The following L3MBTL4 variants were observed in gnomAD, a reference collection of about 807,000 sequenced individuals.
L3MBTL4 encodes lethal(3)malignant brain tumor-like protein 4.
L3MBTL4 carries 70 observed loss-of-function variants against 84.5 expected under a neutral mutation model. The ratio of observed to expected loss-of-function variants is 0.83; its 90% confidence interval spans 0.68 to 1.01. The LOEUF (loss-of-function observed/expected upper bound fraction) is 1.01, where lower values mean the gene tolerates loss of function less well. Ranked by LOEUF, L3MBTL4 falls within the 50% of genes least tolerant of loss-of-function variation. The probability of loss-of-function intolerance (pLI) is 0.00; values close to 1 mark genes in which losing one functional copy is unlikely to be tolerated. For missense variants in L3MBTL4, 715 were observed against 754.8 expected (o/e 0.95, Z 0.62); for synonymous variants, 274 against 259.8 (o/e 1.05, Z -0.52).
At position 6,259,889 on chromosome 18, in the gene L3MBTL4, T is replaced by C. The variant is rs1353168727; in HGVS notation, c.219+4058A>G. ...GACCAATGCTGAGAATGGTGTCTCCTAGGTTTTCTTTTAGAACTCTTATAG... is the reference window on the plus strand; with the variant it reads ...GACCAATGCTGAGAATGGTGTCTCCCAGGTTTTCTTTTAGAACTCTTATAG... On this transcript the variant is annotated intron_variant, in intron 5 of 18. Transcript: ENST00000317931. 4.6e-5 allele frequency: 7 copies of C among 152,366 alleles called. No homozygotes were observed. In the East Asian group the frequency reaches 1.3e-3, roughly 29 times the overall value. The allele number at this position is 152,366 out of a possible 1,614,324, so 9.4% of individuals were successfully genotyped here.
intron 14 of L3MBTL4, among the ~76,000 whole-genome samples, chr18:6,114,102 A>G (rs369901333): frequency 1.3e-5 from 2 of 152,352 alleles, no homozygotes; most frequent in East Asian, 1.9e-4. Context: ...ACAGACATCT[A>G]CATAAAATAA....
chr18:6,209,330 C>A (rs959321428), intron 12 of L3MBTL4, among the ~76,000 whole-genome samples: 21 of 151,828 alleles, frequency 1.4e-4, no homozygotes, highest in African/African-American at 4.6e-4. Flanking sequence ...ATTACAAACA[C>A]TGGGCAAGGT....
chr18:6,222,375 T>A (rs2046593112), intron 10 of L3MBTL4, among the ~76,000 whole-genome samples: 1 of 152,220 alleles, frequency 6.6e-6, no homozygotes, highest in Non-Finnish European at 1.5e-5. Flanking sequence ...TGAGCTGTAC[T>A]ATATCCAGAA....
chr18:6,205,074 G>A (rs1164486752), intron 12 of L3MBTL4, among the ~76,000 whole-genome samples: 1 of 152,218 alleles, frequency 6.6e-6, no homozygotes, highest in African/African-American at 2.4e-5. Context: ...ACATGGCAAG[G>A]CAGATTTTTG....
At chr18:6,322,448 A>AGGAAGGAG in intron 1 of L3MBTL4, among the ~76,000 whole-genome samples, 1 of 139,122 alleles carries the variant, frequency 7.2e-6, no homozygotes. Context: ...GAAGGAAAGA[A>AGGAAGGAG]GGAAGGATGG....
Position 6,213,284 on chromosome 18 carries a change from C to A in L3MBTL4, c.871-25G>T. 3.7e-6 allele frequency: 5 copies of A among 1,345,914 alleles called. No homozygotes were observed. The African/African-American group carries it at 4.4e-5, about 12-fold the overall frequency. 83.4% of individuals were successfully genotyped at this position (1,345,914 alleles called of 1,614,324 possible). Reference sequence around the variant, plus strand: ...TCTGTAAATGTTATTATAAGTACAACAAATCATGCAAAATTCAGTAATTCA... The same window carrying A: ...TCTGTAAATGTTATTATAAGTACAAAAAATCATGCAAAATTCAGTAATTCA... On this transcript the variant is annotated intron_variant, in intron 11 of 18. Transcript: ENST00000317931.
chr18:6,329,431 G>C (rs373430753), intron 1 of L3MBTL4, among the ~76,000 whole-genome samples: 33 of 152,154 alleles, frequency 2.2e-4, no homozygotes, highest in African/African-American at 7.5e-4. Flanking sequence ...CGGATTACAG[G>C]CCTGAGCCAC....
At chr18:6,347,234 T>C (rs145984620) in intron 1 of L3MBTL4, among the ~76,000 whole-genome samples, 23 of 152,040 alleles carry the variant, frequency 1.5e-4, no homozygotes, top group Non-Finnish European at 2.8e-4. Flanking sequence ...GATAAATTAG[T>C]CCTGAAAACC....
At chr18:6,309,306 A>C (rs2146922398) in intron 3 of L3MBTL4, among the ~76,000 whole-genome samples, 1 of 152,346 alleles carries the variant, frequency 6.6e-6, no homozygotes, top group African/African-American at 2.4e-5. Flanking sequence ...AAATCTGACT[A>C]ATGAAAATGA....
intron 16 of L3MBTL4, among the ~76,000 whole-genome samples, chr18:6,055,821 C>T (rs2057002441): frequency 2.0e-5 from 3 of 152,134 alleles, no homozygotes; most frequent in Non-Finnish European, 4.4e-5. Flanking sequence ...GGGAAGGATC[C>T]TTCCACTATT....
At chr18:6,027,012 G>A (rs1457075883) in intron 16 of L3MBTL4, among the ~76,000 whole-genome samples, 5 of 152,034 alleles carry the variant, frequency 3.3e-5, no homozygotes, top group Admixed American at 3.3e-4. Flanking sequence ...AAAACAGCTG[G>A]TGTTTTGTTT....
At position 6,182,601 on chromosome 18, in the gene L3MBTL4, T is replaced by C. The variant is rs2044527338; in HGVS notation, c.982-10659A>G. Among the ~76,000 whole-genome samples, 3 of 152,242 alleles carry C rather than the reference T, an allele frequency of 2.0e-5. No individual in the cohort carries two copies. The South Asian group carries it at 6.2e-4, about 31-fold the overall frequency. On this transcript the variant is annotated intron_variant, in intron 12 of 18. Transcript: ENST00000317931. Reference sequence around the variant, plus strand: ...GCAATTGCTTTTGGTGTCTTCATCATGAAATCTTTGCCAGGTTCTATATAC... The same window carrying C: ...GCAATTGCTTTTGGTGTCTTCATCACGAAATCTTTGCCAGGTTCTATATAC...
chr18:6,087,506 G>C (rs2058296390), intron 15 of L3MBTL4, among the ~76,000 whole-genome samples: 2 of 152,120 alleles, frequency 1.3e-5, no homozygotes, highest in African/African-American at 4.8e-5. Context: ...AGTGGAGGTG[G>C]GGAGCTGGAG....
chr18:5,968,193 C>T (rs1048425741), intron 17 of L3MBTL4, among the ~76,000 whole-genome samples: 1 of 152,240 alleles, frequency 6.6e-6, no homozygotes, highest in Non-Finnish European at 1.5e-5. Flanking sequence ...ACTAATTTAA[C>T]TGCAGCTGTA....
At chr18:6,019,156 C>T (rs1419059194) in intron 16 of L3MBTL4, among the ~76,000 whole-genome samples, 1 of 152,086 alleles carries the variant, frequency 6.6e-6, no homozygotes, top group Non-Finnish European at 1.5e-5. Context: ...AGATTTTATA[C>T]CATTAAAGTA....
intron 1 of L3MBTL4, among the ~76,000 whole-genome samples, chr18:6,393,752 C>T (rs1308179475): frequency 1.3e-5 from 2 of 152,210 alleles, no homozygotes; most frequent in African/African-American, 4.8e-5. Flanking sequence ...CATCATCTCC[C>T]ACCCAGATTG....
At chr18:6,049,297 A>AAAGAG in intron 16 of L3MBTL4, among the ~76,000 whole-genome samples, 1 of 151,656 alleles carries the variant, frequency 6.6e-6, no homozygotes, top group East Asian at 1.9e-4. Context: ...GAAATTATCA[A>AAAGAG]TAAACAGACA....
chr18:6,070,889 T>C (rs1193279727), intron 16 of L3MBTL4, among the ~76,000 whole-genome samples: 2 of 151,948 alleles, frequency 1.3e-5, no homozygotes, highest in Non-Finnish European at 2.9e-5. Flanking sequence ...AAAGATAATT[T>C]TTCAGATAGA....
chr18:6,252,722 T>C (rs1372166204), intron 5 of L3MBTL4, among the ~76,000 whole-genome samples: 1 of 152,234 alleles, frequency 6.6e-6, no homozygotes, highest in Admixed American at 6.5e-5. Context: ...TATTTCATTC[T>C]TAATTGATAA....
Sources: allele counts gnomAD v4.1 joint callset (sites outside exome capture counted in the v4.1 genomes callset), GRCh38; gene constraint gnomAD v4.1.1; transcripts MANE v1.5; gene names NCBI Gene and HGNC (gene_info 2026-07-23, HGNC 2026-07-21).